Variants in GLIPR1L2 observed in about 807,000 individuals in gnomAD.
GLIPR1L2 encodes GLIPR1-like protein 2.
GLIPR1L2 carries 21 observed loss-of-function variants against 28.4 expected under a neutral mutation model. The observed-to-expected ratio is 0.74, with a 90% confidence interval of 0.52 to 1.06. The LOEUF is 1.06. Among genes scored for constraint, GLIPR1L2 ranks in the 50% least tolerant of loss-of-function variants. The pLI is 0.00. For missense variants in GLIPR1L2, 476 were observed against 416.9 expected (o/e 1.14, Z -1.23); for synonymous variants, 145 against 139.3 (o/e 1.04, Z -0.29).
chr12:75,400,368 C>T (rs572049879), intron 1 of GLIPR1L2, among the ~76,000 whole-genome samples: 2 of 152,250 alleles, frequency 1.3e-5, no homozygotes, highest in South Asian at 2.1e-4. Flanking sequence ...GTGATCCTCC[C>T]GCCTTGGCCT....
At chr12:75,424,396 C>T (rs1206588252) in intron 4 of GLIPR1L2, among the ~76,000 whole-genome samples, 1 of 152,114 alleles carries the variant, frequency 6.6e-6, no homozygotes, top group African/African-American at 2.4e-5. Flanking sequence ...GTCCTTTGCC[C>T]ACTTTTCGAT....
At position 75,431,435 on chromosome 12, in the gene GLIPR1L2, A is replaced by T. The variant is rs1244673315; in HGVS notation, c.*274A>T. ...GAAAAACACTGAAAAACATTTGACCAGTCTAATTAATCTTAAGATTTCACC... is the reference window on the plus strand; with the variant it reads ...GAAAAACACTGAAAAACATTTGACCTGTCTAATTAATCTTAAGATTTCACC... On this transcript the variant is annotated 3_prime_UTR_variant, in exon 6 of 6. Coordinates refer to ENST00000550916, the MANE Select transcript of GLIPR1L2 (RefSeq NM_001270396.2). 3.3e-6 allele frequency: 1 copy of T among 305,536 alleles called. No homozygotes were observed. Among genetic ancestry groups the T allele is most frequent in the Non-Finnish European group, 6.0e-6 (1 of 167,504 alleles). The allele number at this position is 305,536 out of a possible 1,614,324, so 18.9% of individuals were successfully genotyped here.
At chr12:75,401,825 CATAA>C (rs1013469991) in intron 1 of GLIPR1L2, among the ~76,000 whole-genome samples, 1 of 151,806 alleles carries the variant, frequency 6.6e-6, no homozygotes, top group Non-Finnish European at 1.5e-5. Context: ...AAACACATGA[CATAA>C]ATAAAGGAAA....
chr12:75,402,236 A>G (rs1001478324), intron 1 of GLIPR1L2, among the ~76,000 whole-genome samples: 5 of 152,188 alleles, frequency 3.3e-5, no homozygotes, highest in Non-Finnish European at 7.4e-5. Context: ...CGTAACAGCA[A>G]TGCTTTAGAA....
chr12:75,423,982 G>T (rs2046007735), intron 4 of GLIPR1L2: 1 of 152,194 alleles, frequency 6.6e-6, no homozygotes, highest in Non-Finnish European at 1.5e-5. Context: ...GGGCATTTGG[G>T]TTGGTTCCAA....
At chr12:75,398,196 G>C (rs376512628) in intron 1 of GLIPR1L2, among the ~76,000 whole-genome samples, 195 of 151,882 alleles carry the variant, frequency 1.3e-3, no homozygotes, top group African/African-American at 4.6e-3. Flanking sequence ...GAGCGTTGTG[G>C]CAGGCGCCTG....
chr12:75,409,709 A>G (rs937303351), intron 1 of GLIPR1L2, among the ~76,000 whole-genome samples: 1 of 106,438 alleles, frequency 9.4e-6, no homozygotes, highest in African/African-American at 3.2e-5. Context: ...CGATATATAT[A>G]TAAGATGTAT....
intron 1 of GLIPR1L2, among the ~76,000 whole-genome samples, chr12:75,400,536 G>A (rs1264955683): frequency 6.6e-6 from 1 of 152,180 alleles, no homozygotes; most frequent in Non-Finnish European, 1.5e-5. Context: ...ATAGAAAATA[G>A]TGGACAGATC....
intron 4 of GLIPR1L2, 50 bp downstream of exon 4, chr12:75,423,039 G>C (rs77365041): frequency 7.1e-7 from 1 of 1,411,194 alleles, no homozygotes; most frequent in Non-Finnish European, 9.8e-7. Context: ...GATTGGACAA[G>C]AAAAATAAGC....
intron 5 of GLIPR1L2, 33 bp downstream of exon 5, chr12:75,430,774 T>C: frequency 6.5e-7 from 1 of 1,534,410 alleles, no homozygotes; most frequent in Non-Finnish European, 8.7e-7. Flanking sequence ...TCTTGAACAA[T>C]TGAACTGCTT....
chr12:75,391,395 A>G lies in GLIPR1L2; in HGVS notation c.234+45A>G, dbSNP rs1043832183. ...TGCCGACCCTTCCACTACCGTTGCC[A>G]CAACGCCTCCCTGGATCTCGGGTAG... On this transcript the variant is annotated intron_variant, in intron 1 of 5. Transcript: ENST00000550916. 4.4e-6 allele frequency: 7 copies of G among 1,604,246 alleles called. No individual in the cohort carries two copies. In the African/African-American group the frequency reaches 9.4e-5, roughly 21 times the overall value.
intron 4 of GLIPR1L2, 91 bp from the exon 5 acceptor site, chr12:75,430,624 A>G: frequency 8.3e-7 from 1 of 1,198,284 alleles, no homozygotes; most frequent in South Asian, 1.4e-5. Flanking sequence ...GAGAACTAGG[A>G]GAAAGTGACA....
At chr12:75,398,271 G>T (rs567397021) in intron 1 of GLIPR1L2, among the ~76,000 whole-genome samples, 3 of 140,256 alleles carry the variant, frequency 2.1e-5, no homozygotes, top group Non-Finnish European at 4.5e-5. Flanking sequence ...AGAGGTTGCA[G>T]TGAGCTGAGA....
intron 1 of GLIPR1L2, among the ~76,000 whole-genome samples, chr12:75,408,001 T>C (rs1269979445): frequency 6.6e-6 from 1 of 152,062 alleles, no homozygotes; most frequent in Admixed American, 6.6e-5. Context: ...TACCTAGACA[T>C]ATTCCAGGGA....
At position 75,430,953 on chromosome 12, in the gene GLIPR1L2, C is replaced by G; in HGVS notation, c.827C>G (p.Ser276Cys). Reference protein sequence around the residue: ...LCVITVLIVQSQFPNILLEQQ... With the variant: ...LCVITVLIVQCQFPNILLEQQ... The stretch of plus-strand genomic sequence containing the variant: ...GTCATAACTGTTTTGATAGTACAGT[C>G]TCAGTTTCCAAATATCTTGTTGGAA... The change falls in exon 6 of 6, where the codon TCT (serine) becomes TGT (cysteine). Residue 276 changes from serine (S) to cysteine (C), a missense_variant. By Grantham distance (112) the Ser-to-Cys change is moderately radical (BLOSUM62 -1). Coordinates refer to ENST00000550916, the MANE Select transcript of GLIPR1L2 (RefSeq NM_001270396.2). 1 of 1,535,520 alleles carries G rather than the reference C, an allele frequency of 6.5e-7. No individual in the cohort carries two copies. Among genetic ancestry groups the G allele is most frequent in the Non-Finnish European group, 8.7e-7 (1 of 1,146,556 alleles).
intron 1 of GLIPR1L2, chr12:75,391,579 C>T (rs978425845): frequency 5.5e-6 from 8 of 1,458,752 alleles, no homozygotes; most frequent in Non-Finnish European, 7.4e-6. Flanking sequence ...GTGATGGAGG[C>T]ACTGGCCTGA....
At chr12:75,430,672 A>G in intron 4 of GLIPR1L2, 43 bp from the exon 5 acceptor site, 2 of 1,503,536 alleles carry the variant, frequency 1.3e-6, no homozygotes, top group South Asian at 1.2e-5. Flanking sequence ...TAGACAAAGA[A>G]GAAATTTTAT....
chr12:75,409,625 TTA>T (rs886297600), intron 1 of GLIPR1L2, among the ~76,000 whole-genome samples: 10 of 145,618 alleles, frequency 6.9e-5, no homozygotes, highest in African/African-American at 9.9e-5. Context: ...TTCTCTAATC[TTA>T]TATATATATA....
At chr12:75,424,192 A>G (rs1242053852) in intron 4 of GLIPR1L2, among the ~76,000 whole-genome samples, 1 of 152,172 alleles carries the variant, frequency 6.6e-6, no homozygotes, top group South Asian at 2.1e-4. Flanking sequence ...CTACAGTGTA[A>G]AAGTGTTCCT....
Sources: gnomAD v4.1 joint callset for allele counts (sites outside exome capture counted in the v4.1 genomes callset) on GRCh38, gnomAD v4.1.1 for gene constraint, MANE v1.5 for transcripts, NCBI Gene and HGNC (gene_info 2026-07-23, HGNC 2026-07-21) for gene names.